TEX38: variants seen among roughly 807,000 people sequenced by gnomAD.
The protein encoded by TEX38 is testis-expressed protein 38.
TEX38 carries 5 observed loss-of-function variants against 2.7 expected under a neutral mutation model. That is an observed-to-expected ratio of 1.86 (90% CI 0.97 to 3.90). The LOEUF is 3.90. Ranked by LOEUF, TEX38 falls within the 30% of genes most tolerant of loss-of-function variation. The pLI is 0.00. For synonymous variants in TEX38, 110 were observed against 103.3 expected (o/e 1.06, Z -0.39); for missense variants, 218 against 247.9 (o/e 0.88, Z 0.81).
chr1:46,670,147 T>C (rs1676562546), upstream of TEX38, among the ~76,000 whole-genome samples: 1 of 152,142 alleles, frequency 6.6e-6, no homozygotes. Flanking sequence ...AACCAGGATG[T>C]TGGTCACCCT....
upstream of TEX38, among the ~76,000 whole-genome samples, chr1:46,670,094 T>C (rs971347838): frequency 1.3e-5 from 2 of 152,118 alleles, no homozygotes; most frequent in South Asian, 2.1e-4. Flanking sequence ...GGCTCTAGCA[T>C]TGAAAGCCCC....
In TEX38 at chr1:46,672,860, C is replaced by A. The variant is rs1435293632; in HGVS notation, c.38-13C>A. 4 of 1,537,850 alleles carry A rather than the reference C, an allele frequency of 2.6e-6. No individual in the cohort carries two copies. The highest frequency in any genetic ancestry group is 3.5e-6 in the Non-Finnish European group (4 of 1,138,972). ...TCAGCCAGCATGCCTCTTTTTCTTT[C>A]TTGCTGCCTTAGTGTGGGTCTCATT... On this transcript the variant is annotated splice_polypyrimidine_tract_variant and intron_variant, in intron 1 of 1. Transcript: ENST00000334122.
chr1:46,669,268 A>C (rs1392864312), upstream of TEX38: 10 of 370,962 alleles, frequency 2.7e-5, no homozygotes, highest in Non-Finnish European at 3.2e-5. Context: ...CCCTCCTGGG[A>C]CAGGGGCAGA....
Position 46,673,581 on chromosome 1 carries a change from AG to A in TEX38, c.*126del. On this transcript the variant is annotated 3_prime_UTR_variant, in exon 2 of 2. Transcript: ENST00000334122. ...GGATGTCATGCTATGAAACATTAAA[AG>A]AAAAAAAAAAAAGTCCAAGGCTCCC... 2.5e-6 allele frequency: 2 copies of A among 805,762 alleles called. No homozygotes were observed. Among genetic ancestry groups the A allele is most frequent in the Non-Finnish European group, 3.6e-6 (2 of 560,084 alleles). The allele number at this position is 805,762 out of a possible 1,614,324, so 49.9% of individuals were successfully genotyped here.
At chr1:46,672,021 G>A in intron 1 of TEX38, 50 bp downstream of exon 1, 1 of 1,477,014 alleles carries the variant, frequency 6.8e-7, no homozygotes, top group Non-Finnish European at 9.0e-7. Context: ...TAGGGCTTGG[G>A]GACAAACACT....
At chr1:46,671,582 A>C (rs1009302181), upstream of TEX38, among the ~76,000 whole-genome samples, 2 of 152,210 alleles carry the variant, frequency 1.3e-5, no homozygotes, top group African/African-American at 4.8e-5. Flanking sequence ...AACATCCGTA[A>C]GTACCTGAGG....
chr1:46,671,658 A>G, upstream of TEX38: 1 of 462,800 alleles, frequency 2.2e-6, no homozygotes, highest in East Asian at 4.0e-5. Context: ...AGACAATTCA[A>G]TAGGTGAACC....
Position 46,673,582 on chromosome 1 carries a change from G to T in TEX38, c.*126G>T. On this transcript the variant is annotated 3_prime_UTR_variant, in exon 2 of 2. Transcript: ENST00000334122. ...GATGTCATGCTATGAAACATTAAAA[G>T]AAAAAAAAAAAAGTCCAAGGCTCCC... 1.7e-6 allele frequency: 1 copy of T among 580,214 alleles called. No individual in the cohort carries two copies. The highest frequency in any genetic ancestry group is 2.5e-6 in the Non-Finnish European group (1 of 394,824). 35.9% of individuals were successfully genotyped at this position (580,214 alleles called of 1,614,324 possible).
chr1:46,671,694 A>T (rs1165746593), upstream of TEX38: 1 of 545,178 alleles, frequency 1.8e-6, no homozygotes, highest in East Asian at 3.1e-5. Context: ...TAGTAGTGAC[A>T]TTCCACCCAA....
chr1:46,669,336 C>G, upstream of TEX38: 1 of 451,982 alleles, frequency 2.2e-6, no homozygotes, highest in South Asian at 1.6e-5. Context: ...GAGCCCTGCC[C>G]TGTGCGAGGA....
upstream of TEX38, among the ~76,000 whole-genome samples, chr1:46,670,139 C>G (rs556085617): frequency 6.6e-6 from 1 of 152,202 alleles, no homozygotes; most frequent in South Asian, 2.1e-4. Context: ...CCTGGGCAAA[C>G]CAGGATGTTG....
At position 46,672,886 on chromosome 1, in the gene TEX38, G is replaced by T. The variant is rs1260565583; in HGVS notation, c.51G>T (p.Leu17Phe). The T allele has an allele frequency of 6.4e-7, 1 of 1,551,148 alleles. No homozygotes were observed. The highest frequency in any genetic ancestry group is 8.7e-7 in the Non-Finnish European group (1 of 1,146,660). ...DLRFPGMWVS[L>F]YFGILGLCSV... The stretch of plus-strand genomic sequence containing the variant: ...TTGCTGCCTTAGTGTGGGTCTCATT[G>T]TACTTTGGAATCCTGGGGCTGTGTT... Residue 17 changes from leucine to phenylalanine, a missense_variant, in exon 2 of 2, where the codon TTG becomes TTT. Physicochemically the swap from Leu to Phe is conservative, Grantham distance 22. Coordinates refer to ENST00000334122, the MANE Select transcript of TEX38 (RefSeq NM_001145474.4).
At chr1:46,671,799 C>T (rs185707183), upstream of TEX38, 26 of 884,284 alleles carry the variant, frequency 2.9e-5, no homozygotes, top group Non-Finnish European at 4.4e-5. Flanking sequence ...ACCCAGTGAC[C>T]TCTCCTTTAG....
rs949123189 is a variant in TEX38, at chr1:46,673,223, C to A, written c.388C>A (p.Pro130Thr). The A allele has an allele frequency of 3.9e-6, 6 of 1,550,598 alleles. No individual in the cohort carries two copies. The highest frequency in any genetic ancestry group is 8.7e-7 in the Non-Finnish European group (1 of 1,146,362). ...GGCGGAAGCCCCTGCTCCCCTGCAA[C>A]CTGCACTGCAGCTGGCTCCACAGCA... ...PKAEAPAPLQ[P>T]ALQLAPQQPQ... is the part of the protein sequence containing the mutation. Residue 130 changes from proline to threonine, a missense_variant, in exon 2 of 2, where the codon CCT (proline) becomes ACT (threonine). Physicochemically the swap from Pro to Thr is conservative, Grantham distance 38 (BLOSUM62 -1). Transcript: ENST00000334122.
upstream of TEX38, among the ~76,000 whole-genome samples, chr1:46,671,209 C>G (rs1371520470): frequency 6.6e-6 from 1 of 152,104 alleles, no homozygotes; most frequent in Non-Finnish European, 1.5e-5. Flanking sequence ...GCAGCATGGG[C>G]ACACCTCCAG....
chr1:46,673,137 T>C lies in TEX38; in HGVS notation c.302T>C (p.Val101Ala), dbSNP rs2148832430. The C allele has an allele frequency of 6.4e-7, 1 of 1,551,640 alleles. No individual in the cohort carries two copies. Among genetic ancestry groups the C allele is most frequent in the African/African-American group, 1.4e-5 (1 of 73,148 alleles). ...GAGACTGAGGTCCAGAATCCAGATG[T>C]TCTGTGGGATTTGGACATCCCCGAA... The part of the protein sequence containing the change: ...KTETEVQNPD[V>A]LWDLDIPEGR... Residue 101 changes from valine (V) to alanine (A), a missense_variant, in exon 2 of 2, where the codon GTT (valine) becomes GCT (alanine). By Grantham distance (64) the Val-to-Ala change is moderately conservative. Coordinates refer to ENST00000334122, the MANE Select transcript of TEX38 (RefSeq NM_001145474.4).
rs200946921 is a variant in TEX38, at chr1:46,673,121, G to T, written c.286G>T (p.Val96Phe). 169 of 1,551,610 alleles carry T rather than the reference G, an allele frequency of 1.1e-4. No homozygotes were observed. The highest frequency in any genetic ancestry group is 1.3e-4 in the Non-Finnish European group (152 of 1,146,980). The change falls in exon 2 of 2, where the codon GTC becomes TTC. Residue 96 changes from valine to phenylalanine, a missense_variant. Coordinates refer to ENST00000334122, the MANE Select transcript of TEX38 (RefSeq NM_001145474.4). ...APAVTKTETE[V>F]QNPDVLWDLD... Reference sequence around the variant, plus strand: ...TGCTGTCACCAAGACTGAGACTGAGGTCCAGAATCCAGATGTTCTGTGGGA... The same window carrying T: ...TGCTGTCACCAAGACTGAGACTGAGTTCCAGAATCCAGATGTTCTGTGGGA...
chr1:46,671,578 C>T (rs112496056), upstream of TEX38, among the ~76,000 whole-genome samples: 869 of 152,280 alleles, frequency 5.7e-3, 6 homozygotes, highest in Non-Finnish European at 9.5e-3. Context: ...CAGCAACATC[C>T]GTAAGTACCT....
chr1:46,670,712 C>T (rs190525727), upstream of TEX38, among the ~76,000 whole-genome samples: 11 of 152,150 alleles, frequency 7.2e-5, no homozygotes, highest in Admixed American at 1.3e-4. Flanking sequence ...CAGTGATATA[C>T]GAGGAGAACA....
Sources: gnomAD v4.1 joint callset for allele counts (sites outside exome capture counted in the v4.1 genomes callset) on GRCh38, gnomAD v4.1.1 for gene constraint, MANE v1.5 for transcripts, NCBI Gene and HGNC (gene_info 2026-07-23, HGNC 2026-07-21) for gene names.